The following MYO1D variants were observed in gnomAD, a reference collection of about 807,000 sequenced individuals.
The protein encoded by MYO1D is myosin ID.
A neutral mutation model predicts 122.0 loss-of-function variants in MYO1D; 83 were observed. The observed-to-expected ratio is 0.68, with a 90% CI of 0.57 to 0.82. MYO1D has a LOEUF of 0.82. MYO1D is among the 40% of genes least tolerant of loss of function. The pLI is 0.00. For missense variants in MYO1D, 1,157 were observed against 1,269.5 expected (o/e 0.91, Z 1.35); for synonymous variants, 464 against 446.9 (o/e 1.04, Z -0.48).
chr17:32,674,025 T>C (rs2150962137), intron 16 of MYO1D, among the ~76,000 whole-genome samples: 1 of 152,358 alleles, frequency 6.6e-6, no homozygotes, highest in East Asian at 1.9e-4. Flanking sequence ...GAAACAACTA[T>C]GACTAATTCC....
intron 1 of MYO1D, among the ~76,000 whole-genome samples, chr17:32,861,469 G>C (rs928882591): frequency 7.2e-5 from 11 of 152,208 alleles, no homozygotes; most frequent in Non-Finnish European, 1.0e-4. Flanking sequence ...TCCCAGACCA[G>C]AGAGATTATA....
intron 21 of MYO1D, among the ~76,000 whole-genome samples, chr17:32,604,369 A>C (rs567077390): frequency 3.9e-5 from 6 of 152,182 alleles, no homozygotes; most frequent in Non-Finnish European, 7.4e-5. Context: ...CAAAGAGAGC[A>C]CTTGACTTTG....
intron 3 of MYO1D, among the ~76,000 whole-genome samples, chr17:32,777,759 C>A (rs2090190971): frequency 6.6e-6 from 1 of 151,658 alleles, no homozygotes; most frequent in Non-Finnish European, 1.5e-5. Flanking sequence ...CAGTGAAACC[C>A]CGTCTCTACT....
At chr17:32,617,112 G>A (rs149979027) in intron 20 of MYO1D, among the ~76,000 whole-genome samples, 4 of 152,268 alleles carry the variant, frequency 2.6e-5, no homozygotes, top group African/African-American at 4.8e-5. Context: ...CCTGGGAGGC[G>A]GAGGTTGCAT....
chr17:32,571,230 G>A (rs2087224452), intron 21 of MYO1D, among the ~76,000 whole-genome samples: 1 of 152,132 alleles, frequency 6.6e-6, no homozygotes, highest in South Asian at 2.1e-4. Flanking sequence ...ATGTGGGGGA[G>A]TGGGGCGTGG....
chr17:32,542,964 C>T (rs1910885727), intron 21 of MYO1D, among the ~76,000 whole-genome samples: 1 of 152,226 alleles, frequency 6.6e-6, no homozygotes, highest in South Asian at 2.1e-4. Flanking sequence ...CGGTGGCTCA[C>T]ACCTGTAATC....
chr17:32,782,974 CAACT>C (rs1263271424), intron 1 of MYO1D, among the ~76,000 whole-genome samples: 1 of 151,950 alleles, frequency 6.6e-6, no homozygotes, highest in African/African-American at 2.4e-5. Flanking sequence ...AGCTGTCAGT[CAACT>C]ACAAGTCACA....
chr17:32,683,922 G>C (rs533309146), intron 16 of MYO1D, among the ~76,000 whole-genome samples: 7 of 152,260 alleles, frequency 4.6e-5, no homozygotes, highest in Non-Finnish European at 7.4e-5. Flanking sequence ...AGGACCCTCC[G>C]AGCCAGGTGT....
chr17:32,644,090 T>C (rs988744374), intron 19 of MYO1D, among the ~76,000 whole-genome samples: 16 of 152,138 alleles, frequency 1.1e-4, no homozygotes, highest in African/African-American at 3.4e-4. Flanking sequence ...GCTTTGAATG[T>C]GTCCCAGAGA....
chr17:32,769,459 G>A (rs991691225), intron 6 of MYO1D, among the ~76,000 whole-genome samples: 2 of 152,082 alleles, frequency 1.3e-5, no homozygotes, highest in Admixed American at 1.3e-4. Context: ...TGTTTTTGGA[G>A]ACTTTTAATT....
At chr17:32,799,441 A>T (rs1598108527) in intron 1 of MYO1D, among the ~76,000 whole-genome samples, 1 of 152,306 alleles carries the variant, frequency 6.6e-6, no homozygotes, top group East Asian at 1.9e-4. Flanking sequence ...GCTGTCCTCA[A>T]TCTCTTCAAT....
At chr17:32,582,067 T>C (rs941874864) in intron 21 of MYO1D, among the ~76,000 whole-genome samples, 15 of 151,984 alleles carry the variant, frequency 9.9e-5, no homozygotes, top group African/African-American at 3.6e-4. Context: ...TGAGGCACCA[T>C]GGCTGGCTGA....
At chr17:32,654,684 C>T in intron 17 of MYO1D, 63 bp from the exon 18 acceptor site, 8 of 1,085,088 alleles carry the variant, frequency 7.4e-6, no homozygotes, top group South Asian at 2.0e-5. Flanking sequence ...TTCTCTCTCT[C>T]TTTTTTTTTT....
At chr17:32,715,636 T>A (rs945382509) in intron 15 of MYO1D, among the ~76,000 whole-genome samples, 2 of 152,090 alleles carry the variant, frequency 1.3e-5, no homozygotes, top group Non-Finnish European at 2.9e-5. Flanking sequence ...TAATAAAACA[T>A]TCCAAATATA....
chr17:32,795,882 T>C (rs1030535345), intron 1 of MYO1D, among the ~76,000 whole-genome samples: 6 of 151,420 alleles, frequency 4.0e-5, no homozygotes, highest in African/African-American at 1.5e-4. Flanking sequence ...CCTCACTTGG[T>C]GCTGAGGCCA....
chr17:32,586,627 T>G (rs1465835627), intron 21 of MYO1D, among the ~76,000 whole-genome samples: 1 of 152,250 alleles, frequency 6.6e-6, no homozygotes, highest in Admixed American at 6.5e-5. Flanking sequence ...ACTGAACTTA[T>G]GCTTTCTTTG....
At chr17:32,771,311 G>T (rs2090110761) in intron 5 of MYO1D, 91 bp from the exon 6 acceptor site, 4 of 860,690 alleles carry the variant, frequency 4.6e-6, no homozygotes, top group Admixed American at 2.5e-5. Context: ...TCATTTTCTG[G>T]GCTTAATTCA....
chr17:32,739,796 T>C (rs1022172934), intron 13 of MYO1D, among the ~76,000 whole-genome samples: 3 of 152,156 alleles, frequency 2.0e-5, no homozygotes, highest in Non-Finnish European at 4.4e-5. Flanking sequence ...TATTTCTGTA[T>C]GTAGGTGCTC....
intron 1 of MYO1D, among the ~76,000 whole-genome samples, chr17:32,794,654 T>C (rs991952454): frequency 6.6e-6 from 1 of 151,762 alleles, no homozygotes; most frequent in African/African-American, 2.4e-5. Flanking sequence ...GGAGAGCCAA[T>C]AGAATGCACT....
Sources: allele counts gnomAD v4.1 joint callset (sites outside exome capture counted in the v4.1 genomes callset), GRCh38; gene constraint gnomAD v4.1.1; transcripts MANE v1.5; gene names NCBI Gene and HGNC (gene_info 2026-07-23, HGNC 2026-07-21).